Variants in MSTN observed in about 807,000 individuals in gnomAD.
MSTN encodes myostatin, also known as growth/differentiation factor 8.
MSTN carries 12 observed loss-of-function variants against 32.3 expected under a neutral mutation model. The observed-to-expected ratio is 0.37, with a 90% CI of 0.24 to 0.60. The LOEUF (loss-of-function observed/expected upper bound fraction) is 0.60, where lower values mean the gene tolerates loss of function less well. Ranked by LOEUF, MSTN falls within the 20% of genes least tolerant of loss-of-function variation. The pLI is 0.67. For synonymous variants in MSTN, 168 were observed against 155.1 expected (o/e 1.08, Z -0.62); for missense variants, 403 against 450.3 (o/e 0.89, Z 0.95).
intron 2 of MSTN, among the ~76,000 whole-genome samples, chr2:190,058,715 G>A (rs1685508362): frequency 6.6e-6 from 1 of 151,978 alleles, no homozygotes; most frequent in African/African-American, 2.4e-5. Context: ...CAAATTAGAT[G>A]GAGCTGGAGG....
chr2:190,056,638 A>T lies in MSTN; in HGVS notation c.*620T>A, dbSNP rs1685437000. 6.6e-6 allele frequency: 1 copy of T among 152,532 alleles called. No individual in the cohort carries two copies. Among genetic ancestry groups the T allele is most frequent in the Admixed American group, 6.6e-5 (1 of 15,256 alleles). 9.4% of individuals were successfully genotyped at this position (152,532 alleles called of 1,614,324 possible). A position where few individuals can be genotyped will look rare whatever the true frequency, so the allele number is the denominator to read the frequency against. Reference sequence around the variant, plus strand: ...AAAGAGAAACTTACTATTTTACTGAATGTTTTTTATGTGATAAACCTGGTA... The same window carrying T: ...AAAGAGAAACTTACTATTTTACTGATTGTTTTTTATGTGATAAACCTGGTA... On this transcript the variant is annotated 3_prime_UTR_variant, in exon 3 of 3. Coordinates refer to ENST00000260950, the MANE Select transcript of MSTN (RefSeq NM_005259.3).
rs977173892 is a variant in MSTN at position 190,062,076 on chromosome 2, G to A, written c.373+148C>T. Reference sequence around the variant, plus strand: ...TTTTGTCTCATTAATATATTCTCATGCAATCTTGAAAAAGAGAAACTCTTT... The same window carrying A: ...TTTTGTCTCATTAATATATTCTCATACAATCTTGAAAAAGAGAAACTCTTT... On this transcript the variant is annotated intron_variant, in intron 1 of 2. Coordinates refer to ENST00000260950, the MANE Select transcript of MSTN (RefSeq NM_005259.3). 54 of 830,176 alleles carry A rather than the reference G, an allele frequency of 6.5e-5. No individual in the cohort carries two copies. In the East Asian group the frequency reaches 1.3e-3, roughly 20 times the overall value. 51.4% of individuals were successfully genotyped at this position (830,176 alleles called of 1,614,324 possible). A position where few individuals can be genotyped will look rare whatever the true frequency, so the allele number is the denominator to read the frequency against.
Position 190,055,865 on chromosome 2 carries a change from TATAAA to T in MSTN, c.*1388_*1392del, listed in dbSNP as rs1415500692. 2.0e-5 allele frequency: 3 copies of T among 152,222 alleles called. No homozygotes were observed. The highest frequency in any genetic ancestry group is 2.1e-4 in the South Asian group (1 of 4,832). The allele number at this position is 152,222 out of a possible 1,614,324, so 9.4% of individuals were successfully genotyped here. On this transcript the variant is annotated 3_prime_UTR_variant, in exon 3 of 3. Coordinates refer to ENST00000260950, the MANE Select transcript of MSTN (RefSeq NM_005259.3). Reference sequence around the variant, plus strand: ...TGCAGAAATATATTCATTATCAAATTATAAAATAAAAGTAACAGTTATTGTTGAGA... The same window carrying T: ...TGCAGAAATATATTCATTATCAAATTATAAAAGTAACAGTTATTGTTGAGA...
Position 190,056,381 on chromosome 2 carries a change from TG to T in MSTN, c.*876del, listed in dbSNP as rs1356852182. On this transcript the variant is annotated 3_prime_UTR_variant, in exon 3 of 3. Coordinates refer to ENST00000260950, the MANE Select transcript of MSTN (RefSeq NM_005259.3). Reference sequence around the variant, plus strand: ...ATTTCTATTATTTTACCATAAAAACTGCAGTGTTGCAAAGGCAGTGTTGTAA... The same window carrying T: ...ATTTCTATTATTTTACCATAAAAACTCAGTGTTGCAAAGGCAGTGTTGTAA... The T allele has an allele frequency of 6.6e-6, 1 of 151,322 alleles. No homozygotes were observed. Among genetic ancestry groups the T allele is most frequent in the Non-Finnish European group, 1.5e-5 (1 of 67,728 alleles). 9.4% of individuals were successfully genotyped at this position (151,322 alleles called of 1,614,324 possible).
At chr2:190,059,537 AC>A (rs921488151) in intron 2 of MSTN, among the ~76,000 whole-genome samples, 1 of 152,068 alleles carries the variant, frequency 6.6e-6, no homozygotes, top group African/African-American at 2.4e-5. Flanking sequence ...ATCTTGAGAA[AC>A]CTTAAATATA....
rs139729351 is a variant in MSTN, at chr2:190,057,511, G to C, written c.875C>G (p.Ala292Gly). 2.9e-5 allele frequency: 47 copies of C among 1,613,512 alleles called. No homozygotes were observed. The African/African-American group carries it at 5.3e-4, about 18-fold the overall frequency. The change falls in exon 3 of 3, where the codon GCT becomes GGT. Residue 292 changes from alanine to glycine, a missense_variant. Ala to Gly is a moderately conservative substitution (Grantham distance 60). Coordinates refer to ENST00000260950, the MANE Select transcript of MSTN (RefSeq NM_005259.3). Reference sequence around the variant, plus strand: ...AGCGATAATCCAATCCCATCCAAAAGCTTCAAAATCCACAGTTAGAGGGTA... The same window carrying C: ...AGCGATAATCCAATCCCATCCAAAACCTTCAAAATCCACAGTTAGAGGGTA... ...CRYPLTVDFE[A>G]FGWDWIIAPK...
At position 190,056,672 on chromosome 2, in the gene MSTN, C is replaced by T. The variant is rs889339886; in HGVS notation, c.*586G>A. 3 of 152,630 alleles carry T rather than the reference C, an allele frequency of 2.0e-5. No homozygotes were observed. Among genetic ancestry groups the T allele is most frequent in the Non-Finnish European group, 4.4e-5 (3 of 68,058 alleles). 9.5% of individuals were successfully genotyped at this position (152,630 alleles called of 1,614,324 possible). On this transcript the variant is annotated 3_prime_UTR_variant, in exon 3 of 3. Transcript: ENST00000260950. ...ATGTGATAAACCTGGTAGCCTCAGA[C>T]ATTCAGCCTATCGTATTAGCACCGT... is the stretch of plus-strand genomic sequence containing the variant.
chr2:190,060,783 C>T (rs1162703112), intron 1 of MSTN, among the ~76,000 whole-genome samples: 1 of 151,920 alleles, frequency 6.6e-6, no homozygotes, highest in Non-Finnish European at 1.5e-5. Flanking sequence ...GGAACAACCA[C>T]TTAGAATTCT....
intron 1 of MSTN, 63 bp from the exon 2 acceptor site, chr2:190,060,498 A>G: frequency 6.9e-7 from 1 of 1,442,506 alleles, no homozygotes; most frequent in Middle Eastern, 2.4e-4. Flanking sequence ...ACCCCTCCAT[A>G]TTAATAGTTG....
At position 190,057,612 on chromosome 2, in the gene MSTN, T is replaced by C. The variant is rs369883278; in HGVS notation, c.774A>G (p.Thr258=). 5 of 1,613,262 alleles carry C rather than the reference T, an allele frequency of 3.1e-6. No individual in the cohort carries two copies. Among genetic ancestry groups the C allele is most frequent in the Non-Finnish European group, 4.2e-6 (5 of 1,179,436 alleles). The part of the protein sequence containing the change: ...GLNPFLEVKV[T]DTPKRSRRDF... The stretch of plus-strand genomic sequence containing the variant: ...CCCTTCTGGATCTTTTTGGTGTGTC[T>C]GTTACCTTGACCTCTAAAAACGGAT... Residue 258 remains threonine (T), a synonymous_variant, in exon 3 of 3, where the codon ACA becomes ACG. Transcript: ENST00000260950.
Position 190,060,048 on chromosome 2 carries a change from C to A in MSTN, c.747+14G>T. ...CATAAGGTTATTATAATGTTATTTT[C>A]AGTTATCACTTACCAGCCCATCTTC... On this transcript the variant is annotated intron_variant, in intron 2 of 2. Coordinates refer to ENST00000260950, the MANE Select transcript of MSTN (RefSeq NM_005259.3). The A allele has an allele frequency of 6.2e-7, 1 of 1,609,052 alleles. No individual in the cohort carries two copies. The highest frequency in any genetic ancestry group is 1.1e-5 in the South Asian group (1 of 90,826).
rs1275553495 is a variant in MSTN at position 190,055,914 on chromosome 2, C to A, written c.*1344G>T. The A allele has an allele frequency of 6.6e-6, 1 of 152,348 alleles. No individual in the cohort carries two copies. Among genetic ancestry groups the A allele is most frequent in the African/African-American group, 2.4e-5 (1 of 41,412 alleles). The allele number at this position is 152,348 out of a possible 1,614,324, so 9.4% of individuals were successfully genotyped here. On this transcript the variant is annotated 3_prime_UTR_variant, in exon 3 of 3. Coordinates refer to ENST00000260950, the MANE Select transcript of MSTN (RefSeq NM_005259.3). ...GTTGAGATAGCATCAGTTTATTCTTCATTTCAGATAATAGAGTCAATTATT... is the reference window on the plus strand; with the variant it reads ...GTTGAGATAGCATCAGTTTATTCTTAATTTCAGATAATAGAGTCAATTATT...
intron 2 of MSTN, among the ~76,000 whole-genome samples, chr2:190,057,944 G>A (rs1047577378): frequency 6.6e-6 from 1 of 151,972 alleles, no homozygotes; most frequent in Non-Finnish European, 1.5e-5. Flanking sequence ...ATATTTATGG[G>A]AAGAAAGGGA....
chr2:190,057,657 AC>A lies in MSTN; in HGVS notation c.748-20del, dbSNP rs751275361. On this transcript the variant is annotated intron_variant, in intron 2 of 2. Transcript: ENST00000260950. ...ACGGATTCTGTTTGAAAAGGAAAGA[AC>A]AATCAGTAATATCAATAGGCCTGGA... 6.2e-7 allele frequency: 1 copy of A among 1,612,226 alleles called. No individual in the cohort carries two copies. The highest frequency in any genetic ancestry group is 8.5e-7 in the Non-Finnish European group (1 of 1,178,610).
intron 2 of MSTN, 115 bp downstream of exon 2, chr2:190,059,947 T>C (rs1191015978): frequency 3.6e-6 from 4 of 1,100,198 alleles, no homozygotes; most frequent in South Asian, 1.4e-5. Context: ...TGGGGTAAGA[T>C]ACCTTTGTCT....
At chr2:190,060,707 G>A (rs1008228210) in intron 1 of MSTN, among the ~76,000 whole-genome samples, 3 of 151,980 alleles carry the variant, frequency 2.0e-5, no homozygotes, top group Non-Finnish European at 2.9e-5. Context: ...AAGGTTCTAT[G>A]AAGTAATGAA....
intron 2 of MSTN, among the ~76,000 whole-genome samples, chr2:190,059,420 T>C (rs1017258933): frequency 2.0e-5 from 3 of 151,936 alleles, no homozygotes; most frequent in Non-Finnish European, 4.4e-5. Flanking sequence ...ATAAGCTAGG[T>C]GGCAAAGGTT....
At position 190,062,404 on chromosome 2, in the gene MSTN, G is replaced by A. The variant is rs753241714; in HGVS notation, c.193C>T (p.Arg65Cys). Residue 65 changes from arginine to cysteine, a missense_variant, in exon 1 of 3, where the codon CGT (arginine) becomes TGT (cysteine). Arg to Cys is a radical substitution (Grantham distance 180, BLOSUM62 -3). Transcript: ENST00000260950. ...CTGATGTTAGGAGCTGTTTCCAGACGAAGTTTACTGAGGATTTGTATCTTA... is the reference window on the plus strand; with the variant it reads ...CTGATGTTAGGAGCTGTTTCCAGACAAAGTTTACTGAGGATTTGTATCTTA... ...AIKIQILSKL[R>C]LETAPNISKD... 5.0e-6 allele frequency: 8 copies of A among 1,613,426 alleles called. No homozygotes were observed. The highest frequency in any genetic ancestry group is 1.7e-5 in the Admixed American group (1 of 59,894).
chr2:190,056,006 C>A lies in MSTN; in HGVS notation c.*1252G>T, dbSNP rs1156372103. 1 of 152,440 alleles carries A rather than the reference C, an allele frequency of 6.6e-6. No homozygotes were observed. Among genetic ancestry groups the A allele is most frequent in the Non-Finnish European group, 1.5e-5 (1 of 67,964 alleles). 9.4% of individuals were successfully genotyped at this position (152,440 alleles called of 1,614,324 possible). A position where few individuals can be genotyped will look rare whatever the true frequency, so the allele number is the denominator to read the frequency against. On this transcript the variant is annotated 3_prime_UTR_variant, in exon 3 of 3. Transcript: ENST00000260950. ...GAACGTTGAGATTTAAACACAATGA[C>A]AGTAAACCATTGAAATTTCAAATTC...
Sources: gnomAD v4.1 joint callset for allele counts (sites outside exome capture counted in the v4.1 genomes callset) on GRCh38, gnomAD v4.1.1 for gene constraint, MANE v1.5 for transcripts, NCBI Gene and HGNC (gene_info 2026-07-23, HGNC 2026-07-21) for gene names.